Variants in SC5D observed in about 807,000 individuals in gnomAD.
SC5D encodes sterol-C5-desaturase, also known as lathosterol oxidase.
In SC5D, 21 loss-of-function variants were observed where a neutral mutation model predicts 23.9. The ratio of observed to expected loss-of-function variants is 0.88; its 90% CI spans 0.62 to 1.26. The LOEUF is 1.26. Ranked by LOEUF, SC5D falls within the 50% of genes most tolerant of loss-of-function variation. SC5D has a pLI of 0.00. For missense variants in SC5D, 309 were observed against 364.8 expected (o/e 0.85, Z 1.25); for synonymous variants, 113 against 125.9 (o/e 0.90, Z 0.68).
At position 121,310,211 on chromosome 11, in the gene SC5D, T is replaced by C. The variant is rs1178259319; in HGVS notation, c.*2699T>C. ...CAAAGATATTTGGGATTAACACAGATAGAAGAAAAGTTTGAAACCATGAGA... is the reference window on the plus strand; with the variant it reads ...CAAAGATATTTGGGATTAACACAGACAGAAGAAAAGTTTGAAACCATGAGA... On this transcript the variant is annotated 3_prime_UTR_variant, in exon 5 of 5. Coordinates refer to ENST00000264027, the MANE Select transcript of SC5D (RefSeq NM_006918.5). Among the ~76,000 whole-genome samples, 3 of 151,922 alleles carry C rather than the reference T, an allele frequency of 2.0e-5. No individual in the cohort carries two copies. The highest frequency in any genetic ancestry group is 2.9e-5 in the Non-Finnish European group (2 of 68,010).
Position 121,309,494 on chromosome 11 carries a change from T to C in SC5D, c.*1982T>C, listed in dbSNP as rs1192963797. ...TGTGGTGTTCTCCTCTTGTTGATGT[T>C]GAAATGGTGAATGAGCCATAAAGTA... On this transcript the variant is annotated 3_prime_UTR_variant, in exon 5 of 5. Coordinates refer to ENST00000264027, the MANE Select transcript of SC5D (RefSeq NM_006918.5). 6.6e-6 allele frequency among the ~76,000 whole-genome samples: 1 copy of C among 152,208 alleles called. No individual in the cohort carries two copies. Among genetic ancestry groups the C allele is most frequent in the Non-Finnish European group, 1.5e-5 (1 of 68,040 alleles).
rs537006041 is a variant in SC5D, at chr11:121,302,741, C to T, written c.-10-625C>T. Among the ~76,000 whole-genome samples the T allele has an allele frequency of 3.3e-5, 5 of 152,228 alleles. No individual in the cohort carries two copies. In the East Asian group the frequency reaches 5.8e-4, roughly 18 times the overall value. On this transcript the variant is annotated intron_variant, in intron 1 of 4. Coordinates refer to ENST00000264027, the MANE Select transcript of SC5D (RefSeq NM_006918.5). The stretch of plus-strand genomic sequence containing the variant: ...CCGTGGGCTGCAATTTACCAACTCC[C>T]GATCTGGAATATTGATTAGAGGTAG...
Position 121,303,478 on chromosome 11 carries a change from C to T in SC5D, c.103C>T (p.Leu35=). The part of the protein sequence containing the change: ...DDIFRQAISL[L]IVTNVGAYIL... ...CATCTTCCGACAAGCTATTAGTCTT[C>T]TGATTGTAACAAATGTTGGTGCTTA... The change falls in exon 2 of 5, where the codon CTG becomes TTG. Residue 35 remains leucine (L), a synonymous_variant. Coordinates refer to ENST00000264027, the MANE Select transcript of SC5D (RefSeq NM_006918.5). 2 of 1,613,918 alleles carry T rather than the reference C, an allele frequency of 1.2e-6. No individual in the cohort carries two copies. Among genetic ancestry groups the T allele is most frequent in the Non-Finnish European group, 8.5e-7 (1 of 1,179,880 alleles).
chr11:121,299,395 T>C (rs1947911314), intron 1 of SC5D, among the ~76,000 whole-genome samples: 1 of 152,214 alleles, frequency 6.6e-6, no homozygotes, highest in Admixed American at 6.5e-5. Context: ...TTAACTTTGA[T>C]TTTATATATA....
chr11:121,307,704 G>A lies in SC5D; in HGVS notation c.*192G>A. ...CAGAAGAAGATGCTGTGAACACCAG[G>A]ACTTTAATCTTATGCTTAAAATGCC... On this transcript the variant is annotated 3_prime_UTR_variant, in exon 5 of 5. Transcript: ENST00000264027. 5.6e-6 allele frequency: 3 copies of A among 531,866 alleles called. No homozygotes were observed. In the South Asian group the frequency reaches 7.9e-5, roughly 14 times the overall value. The allele number at this position is 531,866 out of a possible 1,614,324, so 32.9% of individuals were successfully genotyped here. A position where few individuals can be genotyped will look rare whatever the true frequency, so the allele number is the denominator to read the frequency against.
intron 1 of SC5D, among the ~76,000 whole-genome samples, chr11:121,295,144 G>T (rs1240435848): frequency 6.6e-6 from 1 of 152,174 alleles, no homozygotes; most frequent in African/African-American, 2.4e-5. Context: ...TCTGAGACAG[G>T]TCTCAGTCAA....
intron 3 of SC5D, 167 bp from the exon 4 acceptor site, chr11:121,306,219 C>T (rs1947962833): frequency 3.3e-6 from 2 of 608,124 alleles, no homozygotes; most frequent in Admixed American, 5.5e-5. Flanking sequence ...GACCAGATTC[C>T]AAGAAGCCAA....
chr11:121,308,107 A>T lies in SC5D; in HGVS notation c.*595A>T, dbSNP rs960069683. ...TGTAATAAGACTATCGTCTTCCTAC[A>T]CATAGGAGGCTCATTCTCTGGACAC... On this transcript the variant is annotated 3_prime_UTR_variant, in exon 5 of 5. Transcript: ENST00000264027. The T allele has an allele frequency of 2.6e-5, 4 of 152,452 alleles. No homozygotes were observed. Among genetic ancestry groups the T allele is most frequent in the African/African-American group, 9.7e-5 (4 of 41,450 alleles). The allele number at this position is 152,452 out of a possible 1,614,324, so 9.4% of individuals were successfully genotyped here. A position where few individuals can be genotyped will look rare whatever the true frequency, so the allele number is the denominator to read the frequency against.
chr11:121,306,760 G>A, intron 4 of SC5D: 1 of 618,882 alleles, frequency 1.6e-6, no homozygotes. Context: ...GGATGGGAGA[G>A]GAGTGAGGGA....
chr11:121,299,235 A>T (rs1276205384), intron 1 of SC5D, among the ~76,000 whole-genome samples: 2 of 152,208 alleles, frequency 1.3e-5, no homozygotes. Context: ...GTTATCTTGG[A>T]TATTGTTGCT....
rs570362774 is a variant in SC5D at position 121,309,392 on chromosome 11, T to C, written c.*1880T>C. On this transcript the variant is annotated 3_prime_UTR_variant, in exon 5 of 5. Coordinates refer to ENST00000264027, the MANE Select transcript of SC5D (RefSeq NM_006918.5). ...GTCACATGGCCCACCTAGAGAGATT[T>C]TGGGAAATGTGTCCAGCTGTGTGCC... is the stretch of plus-strand genomic sequence containing the variant. Among the ~76,000 whole-genome samples, 13 of 152,258 alleles carry C rather than the reference T, an allele frequency of 8.5e-5. No individual in the cohort carries two copies. Among genetic ancestry groups the C allele is most frequent in the African/African-American group, 2.9e-4 (12 of 41,554 alleles).
intron 1 of SC5D, among the ~76,000 whole-genome samples, chr11:121,295,117 G>T (rs1197234122): frequency 6.6e-6 from 1 of 152,136 alleles, no homozygotes; most frequent in African/African-American, 2.4e-5. Context: ...CATTGAACCC[G>T]TTTTGAACCC....
chr11:121,296,521 TATC>T (rs1199034706), intron 1 of SC5D, among the ~76,000 whole-genome samples: 1 of 152,236 alleles, frequency 6.6e-6, no homozygotes, highest in African/African-American at 2.4e-5. Flanking sequence ...CCAAATCTAA[TATC>T]ATATTCACTA....
chr11:121,294,584 C>G (rs891041608), intron 1 of SC5D, among the ~76,000 whole-genome samples: 3 of 152,020 alleles, frequency 2.0e-5, no homozygotes, highest in African/African-American at 7.2e-5. Flanking sequence ...CTATCAACTA[C>G]TGTCAGTTAT....
rs879172922 is a variant in SC5D, at chr11:121,311,301, CTT to C, written c.*3793_*3794del. Among the ~76,000 whole-genome samples the C allele has an allele frequency of 3.3e-5, 5 of 152,174 alleles. No homozygotes were observed. In the South Asian group the frequency reaches 1.0e-3, roughly 31 times the overall value. ...GGTAAAAATTCTCTTCTGATGCTGT[CTT>C]TTTGGCCAACCATTTTTTTATCATT... On this transcript the variant is annotated 3_prime_UTR_variant, in exon 5 of 5. Coordinates refer to ENST00000264027, the MANE Select transcript of SC5D (RefSeq NM_006918.5).
In SC5D at chr11:121,306,514, A is replaced by G. The variant is rs2134270167; in HGVS notation, c.444+28A>G. 4 of 1,069,920 alleles carry G rather than the reference A, an allele frequency of 3.7e-6. No homozygotes were observed. The East Asian group carries it at 7.1e-5, about 19-fold the overall frequency. 66.3% of individuals were successfully genotyped at this position (1,069,920 alleles called of 1,614,324 possible). A position where few individuals can be genotyped will look rare whatever the true frequency, so the allele number is the denominator to read the frequency against. On this transcript the variant is annotated intron_variant, in intron 4 of 4. Transcript: ENST00000264027. Reference sequence around the variant, plus strand: ...AAAGTCATTTGTGGTGAAAAGAGAAAAAAGGTTACACATTTCAGCAATGTA... The same window carrying G: ...AAAGTCATTTGTGGTGAAAAGAGAAGAAAGGTTACACATTTCAGCAATGTA...
At chr11:121,297,014 CATA>C (rs1947894161) in intron 1 of SC5D, among the ~76,000 whole-genome samples, 1 of 152,138 alleles carries the variant, frequency 6.6e-6, no homozygotes, top group African/African-American at 2.4e-5. Flanking sequence ...CAACTTTACT[CATA>C]ATAAGGTAAA....
intron 3 of SC5D, 64 bp downstream of exon 3, chr11:121,304,557 A>T: frequency 1.4e-6 from 2 of 1,437,830 alleles, no homozygotes; most frequent in Non-Finnish European, 1.9e-6. Flanking sequence ...TCCTTAAAAA[A>T]ACAAGTCTGC....
intron 3 of SC5D, chr11:121,306,168 G>C: frequency 1.9e-6 from 1 of 533,638 alleles, no homozygotes; most frequent in Admixed American, 3.1e-5. Context: ...AGTACTTTAG[G>C]TAGAACATTT....
Sources: gnomAD v4.1 joint callset for allele counts (sites outside exome capture counted in the v4.1 genomes callset) on GRCh38, gnomAD v4.1.1 for gene constraint, MANE v1.5 for transcripts, NCBI Gene and HGNC (gene_info 2026-07-23, HGNC 2026-07-21) for gene names.